The following USH2A variants were observed in gnomAD, a reference collection of about 807,000 sequenced individuals.
USH2A encodes the protein Usher syndrome 2A (autosomal recessive, mild).
USH2A carries 443 observed loss-of-function variants against 538.9 expected under a neutral mutation model. That is an observed-to-expected ratio of 0.82 (90% CI 0.76 to 0.89). The LOEUF is 0.89. Among genes scored for constraint, USH2A ranks in the 40% least tolerant of loss-of-function variants. The pLI, the probability that USH2A is intolerant of heterozygous loss-of-function variation, is 0.00. For synonymous variants in USH2A, 2,413 were observed against 2,273.5 expected (o/e 1.06, Z -1.75); for missense variants, 6,633 against 6,324.8 (o/e 1.05, Z -1.65).
chr1:216,142,628 ACT>A (rs1045504396), intron 21 of USH2A, among the ~76,000 whole-genome samples: 5 of 152,262 alleles, frequency 3.3e-5, no homozygotes. Context: ...TAGCTGATAC[ACT>A]CTCTCTTTCC....
chr1:215,767,977 T>A (rs1031584665), intron 55 of USH2A, among the ~76,000 whole-genome samples: 4 of 152,200 alleles, frequency 2.6e-5, no homozygotes. Flanking sequence ...AAGTTACAGA[T>A]GAATCCAATG....
At chr1:216,174,972 T>C (rs1443987517) in intron 21 of USH2A, 33 of 1,254,912 alleles carry the variant, frequency 2.6e-5, no homozygotes, top group Non-Finnish European at 3.1e-5. Context: ...TCCTGGCACA[T>C]ACTTCACAAA....
intron 15 of USH2A, among the ~76,000 whole-genome samples, chr1:216,211,632 C>G (rs1015300490): frequency 6.6e-6 from 1 of 152,110 alleles, no homozygotes; most frequent in Non-Finnish European, 1.5e-5. Context: ...CTCCTTTTGT[C>G]TTTTTCTTCT....
At chr1:215,950,613 T>G (rs1428507975) in intron 37 of USH2A, among the ~76,000 whole-genome samples, 2 of 151,568 alleles carry the variant, frequency 1.3e-5, no homozygotes, top group South Asian at 2.1e-4. Context: ...TTCAATCAAT[T>G]CTCTGCCTCA....
rs148901710 is a variant in USH2A at position 216,292,253 on chromosome 1, T to A, written c.1762A>T (p.Ile588Phe). 1.9e-6 allele frequency: 3 copies of A among 1,613,968 alleles called. No individual in the cohort carries two copies. The African/African-American group carries it at 4.0e-5, about 22-fold the overall frequency. Residue 588 changes from isoleucine (I) to phenylalanine (F), a missense_variant, in exon 10 of 72, where the codon ATC becomes TTC. Ile to Phe is a conservative substitution (Grantham distance 21). Transcript: ENST00000307340. ...TCAAAAGGAAATGGGTCTACAGAGA[T>A]GTTGTAATGGCAGCTTTTGGAATGG... ...NSHSKSCHYN[I>F]SVDPFPFEHF...
At chr1:215,642,407 TATC>T (rs936227671) in intron 67 of USH2A, among the ~76,000 whole-genome samples, 1 of 152,164 alleles carries the variant, frequency 6.6e-6, no homozygotes, top group Non-Finnish European at 1.5e-5. Flanking sequence ...GCTACTTTGT[TATC>T]ATCGGTACAC....
chr1:216,298,287 A>C (rs2037144568), intron 9 of USH2A, among the ~76,000 whole-genome samples: 1 of 152,210 alleles, frequency 6.6e-6, no homozygotes, highest in African/African-American at 2.4e-5. Flanking sequence ...TATTGCCTAC[A>C]TGAGTTAGTG....
chr1:216,079,652 G>A (rs2102555823), intron 26 of USH2A, among the ~76,000 whole-genome samples: 1 of 152,222 alleles, frequency 6.6e-6, no homozygotes, highest in African/African-American at 2.4e-5. Context: ...AATGTTTGGT[G>A]TCTGTCTGAA....
chr1:215,888,561 A>T lies in USH2A; in HGVS notation c.8088T>A (p.Tyr2696Ter), dbSNP rs1400277861. 14 of 1,614,162 alleles carry T rather than the reference A, an allele frequency of 8.7e-6. No individual in the cohort carries two copies. Among genetic ancestry groups the T allele is most frequent in the Non-Finnish European group, 1.0e-5 (12 of 1,180,016 alleles). Residue 2696 changes from tyrosine (Y) to a stop codon, truncating the protein, a stop_gained, in exon 41 of 72, where the codon TAT becomes TAA. Coordinates refer to ENST00000307340, the MANE Select transcript of USH2A (RefSeq NM_206933.4). LOFTEE classifies it high-confidence loss of function. ...KTSALSPWTKYEYRVLMSTLH... is the reference protein window; with the variant it reads ...KTSALSPWTK The stretch of plus-strand genomic sequence containing the variant: ...GAGTGCTCATCAGTACCCGATATTC[A>T]TATTTTGTCCATGGGCTAAGAGCAG...
chr1:215,724,232 CACACACACACACACACAA>C (rs963469169), intron 61 of USH2A, among the ~76,000 whole-genome samples: 3 of 148,236 alleles, frequency 2.0e-5, no homozygotes, highest in African/African-American at 7.9e-5. Context: ...CACACACACA[CACACACACACACACACAA>C]ACACACACAC....
At chr1:216,408,375 G>A (rs920971432) in intron 3 of USH2A, among the ~76,000 whole-genome samples, 34 of 152,092 alleles carry the variant, frequency 2.2e-4, no homozygotes, top group African/African-American at 8.2e-4. Context: ...TTTATCCATT[G>A]AGGATATGTT....
intron 48 of USH2A, among the ~76,000 whole-genome samples, chr1:215,815,848 A>G (rs1177611958): frequency 6.6e-6 from 1 of 152,022 alleles, no homozygotes; most frequent in Admixed American, 6.6e-5. Context: ...GAAACTTATC[A>G]AATCCATTAT....
intron 15 of USH2A, among the ~76,000 whole-genome samples, chr1:216,208,077 A>G (rs550022786): frequency 7.9e-4 from 121 of 152,258 alleles, no homozygotes; most frequent in African/African-American, 2.7e-3. Context: ...TCATCTCACT[A>G]CTTAAGTGAT....
intron 43 of USH2A, among the ~76,000 whole-genome samples, chr1:215,876,416 G>T (rs926827182): frequency 3.3e-5 from 5 of 152,214 alleles, no homozygotes; most frequent in African/African-American, 1.2e-4. Context: ...ATTCCCCAGA[G>T]AGAAGAACAC....
At chr1:215,741,264 C>T (rs1660291919) in intron 60 of USH2A, 111 bp downstream of exon 60, 2 of 1,285,504 alleles carry the variant, frequency 1.6e-6, no homozygotes, top group African/African-American at 1.5e-5. Flanking sequence ...AAAAACACAA[C>T]ATGAATTCCC....
At chr1:215,965,923 TCACACACACA>T (rs34484768) in intron 36 of USH2A, among the ~76,000 whole-genome samples, 21 of 142,572 alleles carry the variant, frequency 1.5e-4, no homozygotes, top group African/African-American at 4.2e-4. Context: ...CTCTTCTCTG[TCACACACACA>T]CACACACACA....
intron 35 of USH2A, among the ~76,000 whole-genome samples, chr1:215,975,567 A>T (rs1007157797): frequency 2.6e-5 from 4 of 152,202 alleles, no homozygotes; most frequent in African/African-American, 7.2e-5. Flanking sequence ...TTTTTAAAAT[A>T]GGCAGTCCTT....
At chr1:216,029,685 A>G (rs564028065) in intron 32 of USH2A, among the ~76,000 whole-genome samples, 15 of 151,894 alleles carry the variant, frequency 9.9e-5, no homozygotes, top group Non-Finnish European at 1.6e-4. Context: ...CTGTATTTTC[A>G]GCAATTCTCT....
rs76889439 is a variant in USH2A at position 215,895,271 on chromosome 1, A to G, written c.7594+4804T>C. Among the ~76,000 whole-genome samples, 1,361 of 152,306 alleles carry G rather than the reference A, an allele frequency of 8.9e-3. 15 individuals are homozygous for G. Among genetic ancestry groups the G allele is most frequent in the African/African-American group, 0.031 (1,288 of 41,562 alleles). On this transcript the variant is annotated intron_variant, in intron 40 of 71. Transcript: ENST00000307340. Reference sequence around the variant, plus strand: ...AAGAATTTTGGGGCACCTACTCTATATCAGACCCTTCGCCAGACACTGGTG... The same window carrying G: ...AAGAATTTTGGGGCACCTACTCTATGTCAGACCCTTCGCCAGACACTGGTG...
Sources: gnomAD v4.1 joint callset for allele counts (sites outside exome capture counted in the v4.1 genomes callset) on GRCh38, gnomAD v4.1.1 for gene constraint, MANE v1.5 for transcripts, NCBI Gene and HGNC (gene_info 2026-07-23, HGNC 2026-07-21) for gene names.